KCNT2: variants seen among roughly 807,000 people sequenced by gnomAD.
The protein encoded by KCNT2 is potassium sodium-activated channel subfamily T member 2, also known as potassium channel subfamily T member 2.
In KCNT2, 67 loss-of-function variants were observed where a neutral mutation model predicts 153.8. The ratio of observed to expected loss-of-function variants is 0.44; its 90% CI spans 0.36 to 0.53. The LOEUF (loss-of-function observed/expected upper bound fraction) is 0.53, where lower values mean the gene tolerates loss of function less well. Ranked by LOEUF, KCNT2 falls within the 20% of genes least tolerant of loss-of-function variation. The pLI is 0.00. For missense variants in KCNT2, 975 were observed against 1,354.8 expected (o/e 0.72, Z 4.40); for synonymous variants, 500 against 458.8 (o/e 1.09, Z -1.15).
intron 8 of KCNT2, among the ~76,000 whole-genome samples, chr1:196,461,076 A>G (rs1677107635): frequency 1.3e-5 from 2 of 151,752 alleles, no homozygotes; most frequent in African/African-American, 4.8e-5. Flanking sequence ...AGTGGCAATT[A>G]ACACCATTAG....
chr1:196,468,876 T>C (rs1677839615), intron 6 of KCNT2, 118 bp downstream of exon 6: 1 of 674,934 alleles, frequency 1.5e-6, no homozygotes, highest in East Asian at 2.8e-5. Context: ...ATCATGATTC[T>C]AACCAAAGTC....
chr1:196,234,196 A>AT (rs1445692026), intron 27 of KCNT2, among the ~76,000 whole-genome samples: 7 of 151,336 alleles, frequency 4.6e-5, no homozygotes, highest in Non-Finnish European at 1.0e-4. Context: ...ATATATCAAT[A>AT]AACTTAATTA....
At chr1:196,328,637 A>AG (rs571921815) in intron 18 of KCNT2, among the ~76,000 whole-genome samples, 2 of 151,860 alleles carry the variant, frequency 1.3e-5, no homozygotes, top group East Asian at 3.9e-4. Context: ...CTAAAAGAAA[A>AG]AAAAAAAAAA....
At chr1:196,463,429 T>G (rs183821128) in intron 8 of KCNT2, among the ~76,000 whole-genome samples, 1 of 151,928 alleles carries the variant, frequency 6.6e-6, no homozygotes, top group Admixed American at 6.6e-5. Flanking sequence ...CCATTTGAGT[T>G]ATTATAATTT....
At chr1:196,292,280 T>C (rs1027075960) in intron 22 of KCNT2, among the ~76,000 whole-genome samples, 4 of 152,188 alleles carry the variant, frequency 2.6e-5, no homozygotes, top group Non-Finnish European at 4.4e-5. Flanking sequence ...CCTTTTATGA[T>C]GGAAAACTCT....
intron 13 of KCNT2, among the ~76,000 whole-genome samples, chr1:196,380,346 G>T (rs995821952): frequency 2.0e-5 from 3 of 152,160 alleles, no homozygotes; most frequent in African/African-American, 7.2e-5. Context: ...AGATGCAAAT[G>T]CATTGATAAA....
chr1:196,484,976 T>C (rs1679308746), intron 3 of KCNT2, among the ~76,000 whole-genome samples: 1 of 152,118 alleles, frequency 6.6e-6, no homozygotes, highest in African/African-American at 2.4e-5. Context: ...TAAATCATTC[T>C]ACTCTAAAGA....
intron 12 of KCNT2, among the ~76,000 whole-genome samples, chr1:196,406,881 C>T (rs1284484975): frequency 2.0e-5 from 3 of 151,396 alleles, no homozygotes; most frequent in African/African-American, 4.8e-5. Context: ...GCTTGCCTGT[C>T]GGAATCTGCA....
chr1:196,460,847 TTCC>T (rs1247085724), intron 8 of KCNT2, among the ~76,000 whole-genome samples: 2 of 151,760 alleles, frequency 1.3e-5, no homozygotes, highest in Non-Finnish European at 2.9e-5. Context: ...TAAATTTTAT[TTCC>T]TCCTTTTACA....
chr1:196,273,498 C>A (rs769797719), intron 25 of KCNT2: 1 of 1,528,464 alleles, frequency 6.5e-7, no homozygotes, highest in South Asian at 1.2e-5. Flanking sequence ...ACTGACACAA[C>A]GGGAGGGAAA....
intron 14 of KCNT2, among the ~76,000 whole-genome samples, chr1:196,348,927 C>G (rs1666374664): frequency 6.6e-6 from 1 of 151,852 alleles, no homozygotes; most frequent in African/African-American, 2.4e-5. Flanking sequence ...CCTGTAATCC[C>G]AGCTACTCCA....
intron 8 of KCNT2, among the ~76,000 whole-genome samples, chr1:196,442,592 G>A (rs542529141): frequency 1.3e-5 from 2 of 151,802 alleles, no homozygotes; most frequent in East Asian, 3.9e-4. Context: ...CAAGAGTCAT[G>A]CTTAAAATAA....
chr1:196,561,826 T>A (rs968957886), intron 1 of KCNT2, among the ~76,000 whole-genome samples: 10 of 151,668 alleles, frequency 6.6e-5, no homozygotes, highest in African/African-American at 2.4e-4. Context: ...ACATGTAAGA[T>A]GTACATTGAC....
At chr1:196,257,413 C>G in intron 26 of KCNT2, 2 of 972,164 alleles carry the variant, frequency 2.1e-6, no homozygotes, top group Non-Finnish European at 2.4e-6. Context: ...CTATTTGATT[C>G]TTAACTTGCA....
chr1:196,394,873 G>C (rs950113322), intron 13 of KCNT2, among the ~76,000 whole-genome samples: 4 of 151,210 alleles, frequency 2.6e-5, no homozygotes, highest in Non-Finnish European at 5.9e-5. Context: ...ACCTATGTTT[G>C]TACCTAAATG....
At chr1:196,572,819 A>T (rs1660928999) in intron 1 of KCNT2, among the ~76,000 whole-genome samples, 1 of 152,108 alleles carries the variant, frequency 6.6e-6, no homozygotes, top group Non-Finnish European at 1.5e-5. Flanking sequence ...AAAAGCTTTT[A>T]TGGAGTAAGA....
At chr1:196,245,466 T>A (rs531102862) in intron 26 of KCNT2, among the ~76,000 whole-genome samples, 11 of 152,280 alleles carry the variant, frequency 7.2e-5, no homozygotes, top group Admixed American at 3.9e-4. Flanking sequence ...CAGACACTGA[T>A]GAACATCCAG....
At chr1:196,499,022 A>G (rs1398863665) in intron 1 of KCNT2, among the ~76,000 whole-genome samples, 1 of 152,218 alleles carries the variant, frequency 6.6e-6, no homozygotes, top group Non-Finnish European at 1.5e-5. Flanking sequence ...TTAATCAAAT[A>G]TGACAGATGT....
chr1:196,455,030 G>A (rs1480722546), intron 8 of KCNT2, among the ~76,000 whole-genome samples: 3 of 152,034 alleles, frequency 2.0e-5, no homozygotes, highest in East Asian at 1.9e-4. Flanking sequence ...ACCTTCTAGT[G>A]GACTCTTGCA....
Sources: gnomAD v4.1 joint callset for allele counts (sites outside exome capture counted in the v4.1 genomes callset) on GRCh38, gnomAD v4.1.1 for gene constraint, MANE v1.5 for transcripts, NCBI Gene and HGNC (gene_info 2026-07-23, HGNC 2026-07-21) for gene names.